CAMTA1: variants seen among roughly 807,000 people sequenced by gnomAD.
The protein encoded by CAMTA1 is calmodulin-binding transcription activator 1.
Under a neutral mutation model 170.9 loss-of-function variants are expected in CAMTA1, and 27 were observed. The ratio of observed to expected loss-of-function variants is 0.16; its 90% CI spans 0.12 to 0.22. The LOEUF (loss-of-function observed/expected upper bound fraction) is 0.22, where lower values mean the gene tolerates loss of function less well. Among genes scored for constraint, CAMTA1 ranks in the 10% least tolerant of loss-of-function variants. CAMTA1 has a pLI of 1.00. For missense variants in CAMTA1, 1,619 were observed against 2,217.2 expected, an observed-to-expected ratio of 0.73 and a Z score of 5.42; for synonymous variants, 833 against 891.5, an observed-to-expected ratio of 0.93 and a Z score of 1.17.
Position 7,670,940 on chromosome 1 carries a change from G to A in CAMTA1, c.2682G>A (p.Pro894=), listed in dbSNP as rs776020744. ...EGGVKVLITG[P]WQEASNNYSC... ...GAGTGAAGGTCCTCATCACAGGCCC[G>A]TGGCAAGAAGCCAGCAATAACTACA... The change falls in exon 10 of 23, where the codon CCG becomes CCA. Residue 894 remains proline (P), a synonymous_variant. Coordinates refer to ENST00000303635, the MANE Select transcript of CAMTA1 (RefSeq NM_015215.4). 24 of 1,613,582 alleles carry A rather than the reference G, an allele frequency of 1.5e-5. No homozygotes were observed. Among genetic ancestry groups the A allele is most frequent in the African/African-American group, 5.3e-5 (4 of 74,924 alleles).
chr1:7,310,632 C>CT (rs1479901142), intron 5 of CAMTA1, among the ~76,000 whole-genome samples: 1 of 15,800 alleles, frequency 6.3e-5, no homozygotes, highest in African/African-American at 2.8e-4. Flanking sequence ...TTCTTTCTTT[C>CT]TTTCTTTCTT....
intron 3 of CAMTA1, among the ~76,000 whole-genome samples, chr1:6,974,287 T>A (rs1473418544): frequency 2.0e-5 from 3 of 152,232 alleles, no homozygotes; most frequent in Non-Finnish European, 4.4e-5. Context: ...AGTTGTGTAT[T>A]CCCATAATAT....
rs1369641855 is a variant in CAMTA1, at chr1:7,299,130, TTC to T, written c.438+49506_438+49507del. ...CCTGAAAATTCAAAGTCTCTGAAAA[TTC>T]TGTTTTAAAATATGTGCTGGAGGTG... On this transcript the variant is annotated intron_variant, in intron 5 of 22. Transcript: ENST00000303635. The surrounding 1 kb of genome is among the most constrained non-coding windows in gnomAD (Gnocchi z 4.7). Among the ~76,000 whole-genome samples, 1 of 152,158 alleles carries T rather than the reference TTC, an allele frequency of 6.6e-6. No individual in the cohort carries two copies. The highest frequency in any genetic ancestry group is 6.5e-5 in the Admixed American group (1 of 15,276).
At chr1:6,915,625 C>G (rs918133150) in intron 3 of CAMTA1, among the ~76,000 whole-genome samples, 6 of 152,158 alleles carry the variant, frequency 3.9e-5, no homozygotes, top group Non-Finnish European at 8.8e-5. Context: ...GGAGGGAGGG[C>G]TGTGCAGTGG....
At chr1:7,117,509 G>A (rs9434844) in intron 4 of CAMTA1, among the ~76,000 whole-genome samples, 118,339 of 151,894 alleles carry the variant, frequency 0.78, 46,682 homozygotes, top group African/African-American at 0.9. Flanking sequence ...GCACTTACCA[G>A]TTTCCATGGG....
chr1:7,609,810 A>C lies in CAMTA1; in HGVS notation c.511-30590A>C, dbSNP rs2095511253. On this transcript the variant is annotated intron_variant, in intron 6 of 22. Coordinates refer to ENST00000303635, the MANE Select transcript of CAMTA1 (RefSeq NM_015215.4). This position sits in a 1 kb window ranked among gnomAD's most constrained non-coding sequence, Gnocchi z 4.4. ...GCCCTCCCGCAGGGCACCTGTGAAC[A>C]CGTGTGAGTGCCAGGAACTGAGGTT... Among the ~76,000 whole-genome samples, 1 of 152,132 alleles carries C rather than the reference A, an allele frequency of 6.6e-6. No individual in the cohort carries two copies. The highest frequency in any genetic ancestry group is 1.5e-5 in the Non-Finnish European group (1 of 68,016).
Position 7,332,828 on chromosome 1 carries a change from C to T in CAMTA1, c.438+83202C>T, listed in dbSNP as rs966951453. ...AGAAATGAGCACACACCCGCAGATA[C>T]ACACACACACACACAATACCCATTA... On this transcript the variant is annotated intron_variant, in intron 5 of 22. Coordinates refer to ENST00000303635, the MANE Select transcript of CAMTA1 (RefSeq NM_015215.4). Among the ~76,000 whole-genome samples the T allele has an allele frequency of 4.7e-5, 7 of 150,160 alleles. 1 individual carries two copies. The highest frequency in any genetic ancestry group is 4.0e-4 in the Admixed American group (6 of 15,084).
chr1:7,517,091 A>C (rs1193171), intron 6 of CAMTA1, among the ~76,000 whole-genome samples: 118,976 of 152,086 alleles, frequency 0.78, 46,949 homozygotes, highest in African/African-American at 0.88. Flanking sequence ...TTTTGCTGAC[A>C]TGAGCATCTT....
chr1:7,678,062 G>A (rs554341541), intron 11 of CAMTA1, among the ~76,000 whole-genome samples: 4 of 152,322 alleles, frequency 2.6e-5, no homozygotes, highest in South Asian at 2.1e-4. Flanking sequence ...AGGCTCTGGC[G>A]AAGGACCCCA....
chr1:7,563,221 CCA>C (rs2094984448), intron 6 of CAMTA1, among the ~76,000 whole-genome samples: 1 of 152,230 alleles, frequency 6.6e-6, no homozygotes, highest in South Asian at 2.1e-4. Flanking sequence ...GGGCAAGCGG[CCA>C]CAGAGACAGG....
intron 7 of CAMTA1, among the ~76,000 whole-genome samples, chr1:7,655,551 C>T (rs894850109): frequency 1.3e-5 from 2 of 150,936 alleles, no homozygotes; most frequent in Admixed American, 1.3e-4. Flanking sequence ...GATATGCACA[C>T]CTATACACAC....
chr1:7,360,649 A>G (rs1174356161), intron 5 of CAMTA1, among the ~76,000 whole-genome samples: 1 of 152,166 alleles, frequency 6.6e-6, no homozygotes, highest in Non-Finnish European at 1.5e-5. Flanking sequence ...TGGCTCTCTC[A>G]GGACTGTGTA....
intron 11 of CAMTA1, among the ~76,000 whole-genome samples, chr1:7,727,603 T>C (rs963872343): frequency 6.6e-6 from 1 of 152,272 alleles, no homozygotes; most frequent in African/African-American, 2.4e-5. Context: ...CAAATGTACT[T>C]ATTTACTCTA....
In CAMTA1 at chr1:7,242,911, G is replaced by A. The variant is rs192002059; in HGVS notation, c.303-6580G>A. Among the ~76,000 whole-genome samples the A allele has an allele frequency of 5.6e-4, 85 of 152,058 alleles. 1 individual carries two copies. Among genetic ancestry groups the A allele is most frequent in the African/African-American group, 1.8e-3 (74 of 41,494 alleles). On this transcript the variant is annotated intron_variant, in intron 4 of 22. Transcript: ENST00000303635. The stretch of plus-strand genomic sequence containing the variant: ...CAGAAGGCGGAGCTTGCAGTGAGCC[G>A]AGATCGCACCATTGCACTCCAGCCT...
intron 5 of CAMTA1, among the ~76,000 whole-genome samples, chr1:7,439,321 CTG>C (rs1245087295): frequency 5.9e-5 from 9 of 152,322 alleles, no homozygotes; most frequent in African/African-American, 2.2e-4. Context: ...GGCTGCGACT[CTG>C]ATGTTCTTCG....
chr1:7,502,924 C>T (rs1020786487), intron 6 of CAMTA1, among the ~76,000 whole-genome samples: 5 of 152,084 alleles, frequency 3.3e-5, no homozygotes, highest in African/African-American at 1.2e-4. Flanking sequence ...CTGCCCCGCA[C>T]CCCATGGCTC....
chr1:7,486,904 C>T (rs1033607390), intron 6 of CAMTA1, among the ~76,000 whole-genome samples: 4 of 152,192 alleles, frequency 2.6e-5, no homozygotes, highest in Admixed American at 2.6e-4. Flanking sequence ...CCTCCCAGCA[C>T]ACCCAAGCTC....
At chr1:7,545,874 C>T (rs1192138883) in intron 6 of CAMTA1, among the ~76,000 whole-genome samples, 1 of 146,702 alleles carries the variant, frequency 6.8e-6, no homozygotes, top group Admixed American at 7.0e-5. Flanking sequence ...TGTGTGTTGT[C>T]CCCCCGGACA....
At chr1:7,528,677 C>T (rs2094457284) in intron 6 of CAMTA1, among the ~76,000 whole-genome samples, 1 of 151,740 alleles carries the variant, frequency 6.6e-6, no homozygotes, top group African/African-American at 2.4e-5. Flanking sequence ...AATACCGAGG[C>T]CAGGAAACTT....
Sources: allele counts gnomAD v4.1 joint callset (sites outside exome capture counted in the v4.1 genomes callset), GRCh38; gene constraint gnomAD v4.1.1; non-coding constraint Gnocchi (gnomAD v3.1); transcripts MANE v1.5; gene names NCBI Gene and HGNC (gene_info 2026-07-23, HGNC 2026-07-21).